The following STXBP4 variants were observed in gnomAD, a reference collection of about 807,000 sequenced individuals.
The protein encoded by STXBP4 is syntaxin-binding protein 4.
A neutral mutation model predicts 76.1 loss-of-function variants in STXBP4; 55 were observed. The ratio of observed to expected loss-of-function variants is 0.72; its 90% CI spans 0.58 to 0.91. STXBP4 has a LOEUF of 0.91. Among genes scored for constraint, STXBP4 ranks in the 40% least tolerant of loss-of-function variants. The pLI is 0.00. For missense variants in STXBP4, 618 were observed against 636.9 expected, an observed-to-expected ratio of 0.97 and a Z score of 0.32; for synonymous variants, 201 against 220.2, an observed-to-expected ratio of 0.91 and a Z score of 0.77.
intron 13 of STXBP4, among the ~76,000 whole-genome samples, chr17:55,074,803 T>A (rs1004455267): frequency 2.0e-5 from 3 of 152,030 alleles, no homozygotes; most frequent in African/African-American, 7.2e-5. Flanking sequence ...CTGAAAACAG[T>A]CTTTAAAGAG....
At position 55,169,948 on chromosome 17, in the gene STXBP4, C is replaced by T. The variant is rs758573580; in HGVS notation, c.*10037C>T. 1.3e-5 allele frequency: 2 copies of T among 152,200 alleles called. No homozygotes were observed. Among genetic ancestry groups the T allele is most frequent in the Non-Finnish European group, 2.9e-5 (2 of 68,038 alleles). 9.4% of individuals were successfully genotyped at this position (152,200 alleles called of 1,614,324 possible). A position where few individuals can be genotyped will look rare whatever the true frequency, so the allele number is the denominator to read the frequency against. ...TGCCAATTTCAAACAAACCTTCTCA[C>T]CTATGATATAAGGCTTCCTTAGAAT... On this transcript the variant is annotated 3_prime_UTR_variant, in exon 18 of 18. Transcript: ENST00000376352.
chr17:55,046,199 G>A (rs972768140), intron 11 of STXBP4, among the ~76,000 whole-genome samples: 3 of 151,970 alleles, frequency 2.0e-5, no homozygotes, highest in Admixed American at 6.6e-5. Context: ...GGCACAAAGA[G>A]TGAAGGTGAC....
At chr17:54,998,042 A>G (rs1403096272) in intron 4 of STXBP4, among the ~76,000 whole-genome samples, 1 of 152,102 alleles carries the variant, frequency 6.6e-6, no homozygotes, top group Non-Finnish European at 1.5e-5. Context: ...TGAATGTTTT[A>G]TGTCAATTTT....
At chr17:55,088,336 T>A (rs2079365125) in intron 16 of STXBP4, among the ~76,000 whole-genome samples, 1 of 152,182 alleles carries the variant, frequency 6.6e-6, no homozygotes, top group South Asian at 2.1e-4. Context: ...CTCTAGGATG[T>A]TATACTATGG....
chr17:55,208,737 C>A, the STXBP4 span, among the ~76,000 whole-genome samples: 1 of 152,140 alleles, frequency 6.6e-6, no homozygotes, highest in South Asian at 2.1e-4. Flanking sequence ...GAAAATAAAA[C>A]AGACCTGCAG....
chr17:55,073,282 G>A (rs887309063), intron 13 of STXBP4, among the ~76,000 whole-genome samples: 3 of 152,164 alleles, frequency 2.0e-5, no homozygotes, highest in African/African-American at 7.2e-5. Flanking sequence ...GGAAAAGCAT[G>A]TGCCCCAAAT....
chr17:55,060,121 A>C (rs1243232808), intron 12 of STXBP4, among the ~76,000 whole-genome samples: 1 of 152,120 alleles, frequency 6.6e-6, no homozygotes, highest in Non-Finnish European at 1.5e-5. Flanking sequence ...AACACCATTC[A>C]TTTCATTAAC....
chr17:55,014,620 T>C (rs976846469), intron 8 of STXBP4, among the ~76,000 whole-genome samples: 3 of 152,072 alleles, frequency 2.0e-5, no homozygotes, highest in African/African-American at 7.2e-5. Context: ...GTGAAGGTGA[T>C]GGCATGGGCT....
the STXBP4 span, among the ~76,000 whole-genome samples, chr17:55,211,799 G>GTTTTGTTTTTTTTTT: frequency 4.1e-5 from 2 of 48,978 alleles, no homozygotes; most frequent in African/African-American, 6.1e-5. Context: ...GTTTTTTGTT[G>GTTTTGTTTTTTTTTT]TTTTTTTTTT....
intron 16 of STXBP4, among the ~76,000 whole-genome samples, chr17:55,100,670 G>C (rs984283062): frequency 6.6e-6 from 1 of 152,136 alleles, no homozygotes; most frequent in African/African-American, 2.4e-5. Context: ...AAGAGTCTAA[G>C]TGTTGTGTTG....
chr17:55,067,491 T>C (rs2079068025), intron 12 of STXBP4, among the ~76,000 whole-genome samples: 1 of 152,064 alleles, frequency 6.6e-6, no homozygotes. Flanking sequence ...ACCTGGTAAA[T>C]GTGGTAAGTT....
rs112028078 is a variant in STXBP4, at chr17:55,154,587, C to G, written c.1548-5210C>G. 6.6e-3 allele frequency among the ~76,000 whole-genome samples: 997 copies of G among 152,160 alleles called. 13 individuals carry two copies. Among genetic ancestry groups the G allele is most frequent in the African/African-American group, 0.023 (959 of 41,518 alleles). On this transcript the variant is annotated intron_variant, in intron 17 of 17. Coordinates refer to ENST00000376352, the MANE Select transcript of STXBP4 (RefSeq NM_178509.6). The stretch of plus-strand genomic sequence containing the variant: ...ACAGCATCAATTTTTAAGAGTTACC[C>G]AGGGCTGTACTCTGTCACTACAGAG...
chr17:55,053,459 C>G (rs149655826), intron 12 of STXBP4, among the ~76,000 whole-genome samples: 2 of 152,084 alleles, frequency 1.3e-5, no homozygotes, highest in East Asian at 1.9e-4. Flanking sequence ...AAATCTCAGC[C>G]ACAACCACTT....
intron 10 of STXBP4, among the ~76,000 whole-genome samples, chr17:55,035,230 AT>A (rs543556292): frequency 4.0e-5 from 6 of 150,692 alleles, no homozygotes; most frequent in African/African-American, 7.3e-5. Flanking sequence ...TCATTGGTTG[AT>A]TTTTTTTTGG....
chr17:55,158,803 T>C (rs1023745628), intron 17 of STXBP4, among the ~76,000 whole-genome samples: 7 of 152,162 alleles, frequency 4.6e-5, no homozygotes, highest in Non-Finnish European at 1.0e-4. Flanking sequence ...TTATATGAAA[T>C]AGGAAGGCCT....
intron 12 of STXBP4, among the ~76,000 whole-genome samples, chr17:55,057,374 T>A (rs573452153): frequency 3.3e-5 from 5 of 152,350 alleles, no homozygotes; most frequent in Admixed American, 2.6e-4. Context: ...TCAATTTACG[T>A]GCGTATACTA....
At chr17:55,131,726 T>G (rs1057195640) in intron 16 of STXBP4, among the ~76,000 whole-genome samples, 20 of 152,172 alleles carry the variant, frequency 1.3e-4, no homozygotes, top group Admixed American at 1.2e-3. Flanking sequence ...ACTGGCCCCT[T>G]AATATTTTTA....
At chr17:55,107,965 C>T (rs780705043) in intron 16 of STXBP4, among the ~76,000 whole-genome samples, 37 of 152,198 alleles carry the variant, frequency 2.4e-4, no homozygotes, top group Non-Finnish European at 4.6e-4. Flanking sequence ...AGATCCGCTG[C>T]GCTCTTCAGA....
chr17:55,025,451 T>C (rs2078394418), intron 8 of STXBP4, among the ~76,000 whole-genome samples: 1 of 152,154 alleles, frequency 6.6e-6, no homozygotes, highest in South Asian at 2.1e-4. Context: ...AGAAAATCAA[T>C]ATAATACCAT....
Sources: gnomAD v4.1 joint callset for allele counts (sites outside exome capture counted in the v4.1 genomes callset) on GRCh38, gnomAD v4.1.1 for gene constraint, MANE v1.5 for transcripts, NCBI Gene and HGNC (gene_info 2026-07-23, HGNC 2026-07-21) for gene names.